Variants in SGCG observed in about 807,000 individuals in gnomAD.
SGCG encodes sarcoglycan gamma.
A neutral mutation model predicts 29.3 loss-of-function variants in SGCG; 26 were observed. That is an observed-to-expected ratio of 0.89 (90% CI 0.65 to 1.23). The LOEUF is 1.23. Ranked by LOEUF, SGCG falls within the 50% of genes most tolerant of loss-of-function variation. The pLI is 0.00. For synonymous variants in SGCG, 145 were observed against 129.7 expected, an observed-to-expected ratio of 1.12 and a Z score of -0.80; for missense variants, 353 against 356.0, an observed-to-expected ratio of 0.99 and a Z score of 0.07.
intron 4 of SGCG, among the ~76,000 whole-genome samples, chr13:23,251,637 G>T (rs1347985832): frequency 1.3e-5 from 2 of 152,086 alleles, no homozygotes; most frequent in Admixed American, 1.3e-4. Context: ...GCCAGGTGTG[G>T]TGGTGCACGT....
intron 3 of SGCG, among the ~76,000 whole-genome samples, chr13:23,241,148 CA>C (rs150540516): frequency 6.0e-4 from 57 of 95,606 alleles, no homozygotes; most frequent in Middle Eastern, 6.0e-3. Context: ...GACTCCATCT[CA>C]AAAAAAAAAA....
chr13:23,291,280 G>A lies in SGCG; in HGVS notation c.506-4135G>A, dbSNP rs73168701. Among the ~76,000 whole-genome samples the A allele has an allele frequency of 2.9e-3, 443 of 152,062 alleles. 1 individual carries two copies. Among genetic ancestry groups the A allele is most frequent in the Non-Finnish European group, 4.8e-3 (327 of 68,002 alleles). On this transcript the variant is annotated intron_variant, in intron 5 of 7. Coordinates refer to ENST00000218867, the MANE Select transcript of SGCG (RefSeq NM_000231.3). ...ATGATTTATATAATGATAGTTTATA[G>A]TAGAACTTTTTTCCTGTCTAAAATT...
At position 23,184,861 on chromosome 13, in the gene SGCG, T is replaced by C. The variant is rs552149312; in HGVS notation, c.-1+3786T>C. Among the ~76,000 whole-genome samples the C allele has an allele frequency of 8.5e-5, 13 of 152,252 alleles. No individual in the cohort carries two copies. The East Asian group carries it at 2.5e-3, about 29-fold the overall frequency. On this transcript the variant is annotated intron_variant, in intron 1 of 7. Coordinates refer to ENST00000218867, the MANE Select transcript of SGCG (RefSeq NM_000231.3). ...CTCAGGCTGCTTCCAGGGAACCTGA[T>C]GTGAGATAGTGTCAACCTAAATAAC...
At chr13:23,259,143 G>A (rs1052318820) in intron 4 of SGCG, among the ~76,000 whole-genome samples, 39 of 152,034 alleles carry the variant, frequency 2.6e-4, no homozygotes, top group African/African-American at 9.2e-4. Flanking sequence ...TGTACCTCTG[G>A]TAGAATTTGG....
At chr13:23,309,016 T>A (rs973550124) in intron 6 of SGCG, among the ~76,000 whole-genome samples, 1 of 152,166 alleles carries the variant, frequency 6.6e-6, no homozygotes, top group East Asian at 1.9e-4. Flanking sequence ...CACAGCCTTT[T>A]ATATGTCCTT....
At chr13:23,294,177 AGG>A (rs1477801659) in intron 5 of SGCG, among the ~76,000 whole-genome samples, 2 of 152,170 alleles carry the variant, frequency 1.3e-5, no homozygotes, top group African/African-American at 4.8e-5. Flanking sequence ...TCTTAAGCCA[AGG>A]GTAGGACCTG....
intron 1 of SGCG, among the ~76,000 whole-genome samples, chr13:23,182,851 T>C (rs1319777978): frequency 6.6e-6 from 1 of 152,156 alleles, no homozygotes; most frequent in African/African-American, 2.4e-5. Context: ...CCTTTGAACC[T>C]CTAGAAAAGG....
At chr13:23,225,875 A>G (rs946257639) in intron 2 of SGCG, among the ~76,000 whole-genome samples, 1 of 152,098 alleles carries the variant, frequency 6.6e-6, no homozygotes, top group Non-Finnish European at 1.5e-5. Flanking sequence ...GAGTTCAGAC[A>G]AATTTCAATT....
chr13:23,162,865 T>A, the SGCG span, among the ~76,000 whole-genome samples: 1 of 151,970 alleles, frequency 6.6e-6, no homozygotes, highest in Admixed American at 6.5e-5. Context: ...AAATAAATAA[T>A]TTAAAAAATA....
At chr13:23,277,310 T>C (rs1475105812) in intron 4 of SGCG, among the ~76,000 whole-genome samples, 1 of 151,754 alleles carries the variant, frequency 6.6e-6, no homozygotes, top group African/African-American at 2.4e-5. Flanking sequence ...GTTTATATAA[T>C]AAATACATAG....
intron 1 of SGCG, among the ~76,000 whole-genome samples, chr13:23,183,342 G>T (rs990569224): frequency 6.6e-6 from 1 of 152,176 alleles, no homozygotes; most frequent in Non-Finnish European, 1.5e-5. Flanking sequence ...ACGGTAACTG[G>T]TCAGGAACTT....
intron 2 of SGCG, among the ~76,000 whole-genome samples, chr13:23,211,783 C>T (rs1018728066): frequency 1.3e-5 from 2 of 152,162 alleles, no homozygotes; most frequent in African/African-American, 2.4e-5. Context: ...TCTCTTGCTT[C>T]AGTGTTTTGG....
chr13:23,320,597 C>CG, intron 6 of SGCG, 40 bp from the exon 7 acceptor site: 1 of 1,321,598 alleles, frequency 7.6e-7, no homozygotes. Flanking sequence ...ATTTTTAATA[C>CG]TTTTTTTTTT....
intron 5 of SGCG, among the ~76,000 whole-genome samples, chr13:23,280,508 G>A (rs1881268025): frequency 1.3e-5 from 2 of 152,186 alleles, no homozygotes; most frequent in African/African-American, 2.4e-5. Context: ...AGACAGTAAT[G>A]TATCTGGTTT....
In SGCG at chr13:23,294,024, T is replaced by C. The variant is rs375815198; in HGVS notation, c.506-1391T>C. ...ATTATAGAAGCTCCTCAACTTGCAA[T>C]GGCTTGCCTTCTACAAAGCCATGGC... On this transcript the variant is annotated intron_variant, in intron 5 of 7. Transcript: ENST00000218867. Among the ~76,000 whole-genome samples the C allele has an allele frequency of 1.3e-4, 20 of 152,294 alleles. 1 individual carries two copies. The highest frequency in any genetic ancestry group is 4.8e-4 in the African/African-American group (20 of 41,562).
At chr13:23,312,315 C>T (rs941004271) in intron 6 of SGCG, among the ~76,000 whole-genome samples, 10 of 152,148 alleles carry the variant, frequency 6.6e-5, no homozygotes, top group Non-Finnish European at 1.3e-4. Flanking sequence ...CTTCAAAAAG[C>T]CTTTCACATT....
At chr13:23,248,580 G>A (rs556220886) in intron 3 of SGCG, among the ~76,000 whole-genome samples, 1 of 151,736 alleles carries the variant, frequency 6.6e-6, no homozygotes, top group South Asian at 2.1e-4. Flanking sequence ...TGTAGTCCCA[G>A]CTCTTCCGGA....
rs146507573 is a variant in SGCG at position 23,281,404 on chromosome 13, A to G, written c.505+1926A>G. ...AATAATAGTGCTGGGCCTCATCCCC[A>G]GAGCTTCTGATTCAGCAGGTCTGAA... On this transcript the variant is annotated intron_variant, in intron 5 of 7. Transcript: ENST00000218867. Among the ~76,000 whole-genome samples the G allele has an allele frequency of 1.4e-4, 21 of 152,000 alleles. No individual in the cohort carries two copies. In the East Asian group the frequency reaches 4.1e-3, roughly 29 times the overall value.
chr13:23,289,207 A>G (rs1429135250), intron 5 of SGCG, among the ~76,000 whole-genome samples: 1 of 152,234 alleles, frequency 6.6e-6, no homozygotes, highest in Non-Finnish European at 1.5e-5. Flanking sequence ...CACTGCACGC[A>G]GCGATCAACG....
Sources: gnomAD v4.1 joint callset for allele counts (sites outside exome capture counted in the v4.1 genomes callset) on GRCh38, gnomAD v4.1.1 for gene constraint, MANE v1.5 for transcripts, NCBI Gene and HGNC (gene_info 2026-07-23, HGNC 2026-07-21) for gene names.